GRK5: variants seen among roughly 807,000 people sequenced by gnomAD.
GRK5 encodes g protein-coupled receptor kinase GRK5.
GRK5 carries 40 observed loss-of-function variants against 78.4 expected under a neutral mutation model. That is an observed-to-expected ratio of 0.51 (90% CI 0.40 to 0.66). GRK5 has a LOEUF of 0.66. GRK5 is among the 30% of genes least tolerant of loss of function. The pLI, the probability that GRK5 is intolerant of heterozygous loss-of-function variation, is 0.00. For missense variants in GRK5, 598 were observed against 759.9 expected (o/e 0.79, Z 2.50); for synonymous variants, 289 against 296.8 (o/e 0.97, Z 0.27).
In GRK5 at chr10:119,267,975, G is replaced by T. The variant is rs192110310; in HGVS notation, c.53-58541G>T. Among the ~76,000 whole-genome samples the T allele has an allele frequency of 7.2e-4, 110 of 152,266 alleles. No homozygotes were observed. The highest frequency in any genetic ancestry group is 2.5e-3 in the African/African-American group (103 of 41,552). ...CTGAGGACAAGAGGAAGAGGAGGAC[G>T]GAGTCTCCCTTGTTTGTGCTGATTC... On this transcript the variant is annotated intron_variant, in intron 1 of 15. Coordinates refer to ENST00000392870, the MANE Select transcript of GRK5 (RefSeq NM_005308.3). The surrounding 1 kb of genome is among the most constrained non-coding windows in gnomAD (Gnocchi z 4.1).
At chr10:119,443,123 G>A (rs934153546) in intron 11 of GRK5, among the ~76,000 whole-genome samples, 3 of 152,286 alleles carry the variant, frequency 2.0e-5, no homozygotes, top group South Asian at 2.1e-4. Context: ...TCTGTAATTC[G>A]GTTTATCAAA....
rs1285160416 is a variant in GRK5, at chr10:119,271,538, G to A, written c.53-54978G>A. Among the ~76,000 whole-genome samples the A allele has an allele frequency of 6.6e-6, 1 of 152,210 alleles. No individual in the cohort carries two copies. The highest frequency in any genetic ancestry group is 1.5e-5 in the Non-Finnish European group (1 of 68,042). ...AGGAATTTGGAGCCCTGGACGGGGT[G>A]GCTGCACTGAGTCACCAGCTCCTTG... On this transcript the variant is annotated intron_variant, in intron 1 of 15. Transcript: ENST00000392870. The surrounding 1 kb of genome is among the most constrained non-coding windows in gnomAD (Gnocchi z 4.1).
chr10:119,220,028 A>G (rs1848634589), intron 1 of GRK5, among the ~76,000 whole-genome samples: 1 of 152,216 alleles, frequency 6.6e-6, no homozygotes, highest in Non-Finnish European at 1.5e-5. Flanking sequence ...GTAATCGTTA[A>G]AGAAAAATTG....
At chr10:119,256,049 T>C (rs989891046) in intron 1 of GRK5, among the ~76,000 whole-genome samples, 2 of 152,170 alleles carry the variant, frequency 1.3e-5, no homozygotes, top group African/African-American at 4.8e-5. Flanking sequence ...AAAATAGTTA[T>C]TCAAGCAAAC....
intron 8 of GRK5, among the ~76,000 whole-genome samples, 191 bp from the exon 9 acceptor site, chr10:119,436,460 G>A (rs1330286549): frequency 1.3e-5 from 2 of 152,250 alleles, no homozygotes; most frequent in Non-Finnish European, 2.9e-5. Context: ...CTGAAAGGGA[G>A]GAGCAGGTGT....
chr10:119,442,869 C>A (rs1171548905), intron 11 of GRK5, among the ~76,000 whole-genome samples: 1 of 152,026 alleles, frequency 6.6e-6, no homozygotes, highest in Non-Finnish European at 1.5e-5. Flanking sequence ...GAATGCTGAT[C>A]GATGATTGAT....
intron 1 of GRK5, among the ~76,000 whole-genome samples, chr10:119,221,191 A>G (rs373319084): frequency 9.2e-5 from 14 of 152,148 alleles, no homozygotes; most frequent in African/African-American, 3.4e-4. Flanking sequence ...CATGTAAAGC[A>G]TCTCTCTCTG....
intron 1 of GRK5, among the ~76,000 whole-genome samples, chr10:119,254,285 G>A (rs1298156187): frequency 1.3e-5 from 2 of 152,214 alleles, no homozygotes; most frequent in Non-Finnish European, 2.9e-5. Context: ...GGGTTGCACA[G>A]CTAGAACTCA....
chr10:119,452,714 T>G lies in GRK5; in HGVS notation c.1448T>G (p.Phe483Cys). ...YCKDVLDIEQFSTVKGVNLDH... is the reference protein window; with the variant it reads ...YCKDVLDIEQCSTVKGVNLDH... ...AAGGACGTGCTGGACATCGAGCAGT[T>G]CTCCACTGTGAAGGGCGTCAATCTG... The change falls in exon 14 of 16, where the codon TTC becomes TGC. Residue 483 changes from phenylalanine to cysteine, a missense_variant. By Grantham distance (205) the Phe-to-Cys change is radical. Coordinates refer to ENST00000392870, the MANE Select transcript of GRK5 (RefSeq NM_005308.3). This position sits in a 1 kb window ranked among gnomAD's most constrained non-coding sequence, Gnocchi z 4.4. 1.2e-6 allele frequency: 2 copies of G among 1,614,052 alleles called. No homozygotes were observed. Among genetic ancestry groups the G allele is most frequent in the Non-Finnish European group, 1.7e-6 (2 of 1,180,006 alleles).
chr10:119,322,049 T>C (rs1409154003), intron 1 of GRK5, among the ~76,000 whole-genome samples: 3 of 152,218 alleles, frequency 2.0e-5, no homozygotes, highest in Non-Finnish European at 4.4e-5. Flanking sequence ...GGCATGATCA[T>C]AGCTCACTGC....
At position 119,458,323 on chromosome 10, in the gene GRK5, C is replaced by T. The variant is rs563964904; in HGVS notation, c.*3256C>T. 1 of 152,362 alleles carries T rather than the reference C, an allele frequency of 6.6e-6. No homozygotes were observed. The highest frequency in any genetic ancestry group is 2.1e-4 in the South Asian group (1 of 4,830). The allele number at this position is 152,362 out of a possible 1,614,324, so 9.4% of individuals were successfully genotyped here. On this transcript the variant is annotated 3_prime_UTR_variant, in exon 16 of 16. Transcript: ENST00000392870. ...GCCCTACAAGTGTTTATTGAGTCCC[C>T]TGGGGGGCACCCAGAATACCACCCA...
intron 1 of GRK5, chr10:119,208,547 G>A (rs894200772): frequency 1.3e-5 from 2 of 152,406 alleles, no homozygotes; most frequent in African/African-American, 4.8e-5. Flanking sequence ...ATCAAAGGAT[G>A]GCTGTACAGA....
intron 2 of GRK5, 49 bp from the exon 3 acceptor site, chr10:119,380,766 G>A: frequency 8.3e-7 from 1 of 1,201,710 alleles, no homozygotes; most frequent in Non-Finnish European, 1.2e-6. Flanking sequence ...GGAAGGCCCT[G>A]CCTGGCCTTC....
chr10:119,399,959 C>T (rs1464076149), intron 4 of GRK5, among the ~76,000 whole-genome samples: 6 of 152,194 alleles, frequency 3.9e-5, no homozygotes, highest in African/African-American at 1.4e-4. Context: ...TTTATGAAGG[C>T]GCTGTCCCCT....
intron 12 of GRK5, among the ~76,000 whole-genome samples, chr10:119,444,236 C>T (rs1165397240): frequency 6.6e-6 from 1 of 152,126 alleles, no homozygotes; most frequent in Admixed American, 6.5e-5. Context: ...CAAAGTTTTC[C>T]ACCACTAGAT....
At chr10:119,397,889 C>G (rs1161503732) in intron 4 of GRK5, among the ~76,000 whole-genome samples, 1 of 152,262 alleles carries the variant, frequency 6.6e-6, no homozygotes, top group African/African-American at 2.4e-5. Context: ...GTCGCCATCA[C>G]CTTGTTGCCT....
chr10:119,261,192 C>G (rs1458118511), intron 1 of GRK5, among the ~76,000 whole-genome samples: 1 of 148,944 alleles, frequency 6.7e-6, no homozygotes, highest in Admixed American at 6.7e-5. Flanking sequence ...GGGGCGGCTG[C>G]CGGGCGGAGG....
intron 2 of GRK5, among the ~76,000 whole-genome samples, chr10:119,364,659 G>A (rs560430307): frequency 1.3e-5 from 2 of 152,196 alleles, no homozygotes; most frequent in Admixed American, 6.5e-5. Flanking sequence ...TCAGAACCCC[G>A]GGCCCCCATG....
intron 15 of GRK5, among the ~76,000 whole-genome samples, chr10:119,454,073 C>T (rs1276549616): frequency 1.3e-5 from 2 of 152,256 alleles, no homozygotes; most frequent in Admixed American, 1.3e-4. Context: ...AGTTCTGCTC[C>T]TTCCTCCTCT....
Sources: gnomAD v4.1 joint callset for allele counts (sites outside exome capture counted in the v4.1 genomes callset) on GRCh38, gnomAD v4.1.1 for gene constraint, Gnocchi (gnomAD v3.1) non-coding constraint, MANE v1.5 for transcripts, NCBI Gene and HGNC (gene_info 2026-07-23, HGNC 2026-07-21) for gene names.